Variants in FES observed in about 807,000 individuals in gnomAD.
The protein encoded by FES is tyrosine-protein kinase Fes/Fps.
A neutral mutation model predicts 109.6 loss-of-function variants in FES; 83 were observed. The observed-to-expected ratio is 0.76, with a 90% CI of 0.63 to 0.91. The LOEUF is 0.91. Among genes scored for constraint, FES ranks in the 40% least tolerant of loss-of-function variants. The pLI, the probability that FES is intolerant of heterozygous loss-of-function variation, is 0.00. For missense variants in FES, 943 were observed against 1,070.9 expected, an observed-to-expected ratio of 0.88 and a Z score of 1.67; for synonymous variants, 458 against 442.1, an observed-to-expected ratio of 1.04 and a Z score of -0.45.
chr15:90,887,936 G>T lies in FES; in HGVS notation c.668+566G>T, dbSNP rs923955003. Among the ~76,000 whole-genome samples, 7 of 152,274 alleles carry T rather than the reference G, an allele frequency of 4.6e-5. No homozygotes were observed. In the East Asian group the frequency reaches 1.2e-3, roughly 25 times the overall value. Reference sequence around the variant, plus strand: ...GGAGAGTACCAGGGACTAATAGCCAGGAACCAGTGGTGCCTCTGAGAGTGA... The same window carrying T: ...GGAGAGTACCAGGGACTAATAGCCATGAACCAGTGGTGCCTCTGAGAGTGA... On this transcript the variant is annotated intron_variant, in intron 5 of 18. Coordinates refer to ENST00000328850, the MANE Select transcript of FES (RefSeq NM_002005.4).
At chr15:90,892,546 C>T (rs1344654324) in intron 13 of FES, 161 bp from the exon 14 acceptor site, 6 of 628,514 alleles carry the variant, frequency 9.5e-6, no homozygotes, top group Non-Finnish European at 1.7e-5. Flanking sequence ...GCCCCATGTG[C>T]TCTCTAGGTT....
chr15:90,885,381 C>T (rs186613395), intron 2 of FES, 31 bp from the exon 3 acceptor site: 9 of 1,599,094 alleles, frequency 5.6e-6, no homozygotes, highest in South Asian at 2.2e-5. Flanking sequence ...ATTGTGCCCC[C>T]CTCCCTGCCT....
intron 10 of FES, 69 bp from the exon 11 acceptor site, chr15:90,890,913 C>T: frequency 1.4e-6 from 2 of 1,454,514 alleles, no homozygotes; most frequent in Non-Finnish European, 1.9e-6. Flanking sequence ...AGAGAGAGAC[C>T]CCCGGCTGCC....
rs149647375 is a variant in FES, at chr15:90,893,291, G to C, written c.1922G>C (p.Gly641Ala). 16 of 1,601,482 alleles carry C rather than the reference G, an allele frequency of 1.0e-5. No homozygotes were observed. Among genetic ancestry groups the C allele is most frequent in the Middle Eastern group, 1.7e-4 (1 of 5,960 alleles). ...PIYIVMELVQ[G>A]GDFLTFLRTE... ...CAGCAGGGGTCCTCCCCACCTGCAG[G>C]GGGCGACTTCCTGACCTTCCTCCGC... Residue 641 changes from glycine (G) to alanine (A), a missense_variant and splice_region_variant, in exon 16 of 19, where the codon GGG becomes GCG. Physicochemically the swap from Gly to Ala is moderately conservative, Grantham distance 60. Coordinates refer to ENST00000328850, the MANE Select transcript of FES (RefSeq NM_002005.4).
Position 90,889,660 on chromosome 15 carries a change from G to T in FES, c.926+24G>T, listed in dbSNP as rs1567096678. ...ACGTGGGTGGTGGCTTTGCACCTGG[G>T]CTGCGGCGGGGCTCCCAGCAGACCA... On this transcript the variant is annotated intron_variant, in intron 7 of 18. Coordinates refer to ENST00000328850, the MANE Select transcript of FES (RefSeq NM_002005.4). The surrounding 1 kb of genome is among the most constrained non-coding windows in gnomAD (Gnocchi z 6.1). The T allele has an allele frequency of 6.2e-7, 1 of 1,611,428 alleles. No homozygotes were observed. Among genetic ancestry groups the T allele is most frequent in the Non-Finnish European group, 8.5e-7 (1 of 1,179,916 alleles).
Position 90,890,505 on chromosome 15 carries a change from G to C in FES, c.1320+21G>C, listed in dbSNP as rs2033110269. 5.6e-6 allele frequency: 9 copies of C among 1,603,652 alleles called. No individual in the cohort carries two copies. In the East Asian group the frequency reaches 2.0e-4, roughly 36 times the overall value. On this transcript the variant is annotated intron_variant, in intron 10 of 18. Coordinates refer to ENST00000328850, the MANE Select transcript of FES (RefSeq NM_002005.4). ...TCTCGGTGAGTGGCGCCCAGCCTGGGCCCCCCTACTGTTGTGTTTCGAGTT... is the reference window on the plus strand; with the variant it reads ...TCTCGGTGAGTGGCGCCCAGCCTGGCCCCCCCTACTGTTGTGTTTCGAGTT...
chr15:90,885,106 G>A lies in FES; in HGVS notation c.61G>A (p.Glu21Lys), dbSNP rs770504875. The change falls in exon 2 of 19, where the codon GAG becomes AAG. Residue 21 changes from glutamate to lysine, a missense_variant. Physicochemically the swap from Glu to Lys is moderately conservative, Grantham distance 56. Coordinates refer to ENST00000328850, the MANE Select transcript of FES (RefSeq NM_002005.4). ...QGHGVLQQMQ[E>K]AELRLLEGMR... Reference sequence around the variant, plus strand: ...CCACGGGGTCCTGCAGCAAATGCAGGAGGCCGAGCTTCGTCTACTGGAGGG... The same window carrying A: ...CCACGGGGTCCTGCAGCAAATGCAGAAGGCCGAGCTTCGTCTACTGGAGGG... 1.2e-6 allele frequency: 2 copies of A among 1,613,878 alleles called. No individual in the cohort carries two copies. Among genetic ancestry groups the A allele is most frequent in the Non-Finnish European group, 1.7e-6 (2 of 1,180,026 alleles).
At chr15:90,887,984 A>G (rs946151118) in intron 5 of FES, among the ~76,000 whole-genome samples, 1 of 152,146 alleles carries the variant, frequency 6.6e-6, no homozygotes. Flanking sequence ...GTCATACACG[A>G]GGCTGGAGGA....
chr15:90,892,098 A>T lies in FES; in HGVS notation c.1694A>T (p.Glu565Val). The T allele has an allele frequency of 6.2e-7, 1 of 1,614,096 alleles. No homozygotes were observed. Among genetic ancestry groups the T allele is most frequent in the Non-Finnish European group, 8.5e-7 (1 of 1,179,982 alleles). The change falls in exon 13 of 19, where the codon GAG becomes GTG. Residue 565 changes from glutamate to valine, a missense_variant. Physicochemically the swap from Glu to Val is moderately radical, Grantham distance 121 (BLOSUM62 -2). Transcript: ENST00000328850. ...VLNHEDLVLG[E>V]QIGRGNFGEV... The stretch of plus-strand genomic sequence containing the variant: ...AACCATGAGGACCTGGTGTTGGGTG[A>T]GCAGATTGGACGGGTGAGTGCGCCT...
Position 90,889,441 on chromosome 15 carries a change from TG to T in FES, c.806+1del, listed in dbSNP as rs754872375. 1.9e-6 allele frequency: 3 copies of T among 1,613,888 alleles called. No homozygotes were observed. Among genetic ancestry groups the T allele is most frequent in the Non-Finnish European group, 2.5e-6 (3 of 1,179,984 alleles). On this transcript the variant is annotated frameshift_variant and splice_region_variant, in exon 6 of 19. Coordinates refer to ENST00000328850, the MANE Select transcript of FES (RefSeq NM_002005.4). LOFTEE classifies it high-confidence loss of function. This position sits in a 1 kb window ranked among gnomAD's most constrained non-coding sequence, Gnocchi z 6.1. ...AGTACCAAGGCTTCCTGCGACAGTA[TG>T]GGTAAGCCCCGTCCTTGCTCCTGCT... The part of the protein sequence containing the change: ...AEYQGFLRQY[G>X]SAPDVPPCVT...
In FES at chr15:90,890,085, C is replaced by A; in HGVS notation, c.1050-7C>A. 6.5e-7 allele frequency: 1 copy of A among 1,546,314 alleles called. No individual in the cohort carries two copies. The highest frequency in any genetic ancestry group is 8.7e-7 in the Non-Finnish European group (1 of 1,147,904). On this transcript the variant is annotated splice_region_variant and splice_polypyrimidine_tract_variant and intron_variant, in intron 8 of 18. Transcript: ENST00000328850. ...TCATCCACCCTCCCACCCGCCCCTGCCTGCAGGGTGCAGCTGCTGGGCAAG... is the reference window on the plus strand; with the variant it reads ...TCATCCACCCTCCCACCCGCCCCTGACTGCAGGGTGCAGCTGCTGGGCAAG...
rs1179291446 is a variant in FES at position 90,890,093 on chromosome 15, G to T, written c.1051G>T (p.Val351Leu). The T allele has an allele frequency of 6.4e-7, 1 of 1,554,964 alleles. No individual in the cohort carries two copies. The highest frequency in any genetic ancestry group is 1.3e-5 in the African/African-American group (1 of 74,180). The change falls in exon 9 of 19, where the codon GTG becomes TTG. Residue 351 changes from valine to leucine, a missense_variant and splice_region_variant. Physicochemically the swap from Val to Leu is conservative, Grantham distance 32 (BLOSUM62 1). Transcript: ENST00000328850. ...EEENTHPRER[V>L]QLLGKRQVLQ... Reference sequence around the variant, plus strand: ...CCTCCCACCCGCCCCTGCCTGCAGGGTGCAGCTGCTGGGCAAGAGGCAAGT... The same window carrying T: ...CCTCCCACCCGCCCCTGCCTGCAGGTTGCAGCTGCTGGGCAAGAGGCAAGT...
chr15:90,890,986 C>T lies in FES; in HGVS notation c.1325C>T (p.Pro442Leu), dbSNP rs748519202. The change falls in exon 11 of 19, where the codon CCT (proline) becomes CTT (leucine). Residue 442 changes from proline (P) to leucine (L), a missense_variant. Transcript: ENST00000328850. ...CCTCGATCCTCCCTTGCCCAGCTCC[C>T]TCCACCGCTGCAGCTCATTCCGGAG... ...SGIFRPKFSLPPPLQLIPEVQ... is the reference protein window; with the variant it reads ...SGIFRPKFSLLPPLQLIPEVQ... 1.9e-6 allele frequency: 3 copies of T among 1,583,088 alleles called. No homozygotes were observed. Among genetic ancestry groups the T allele is most frequent in the East Asian group, 2.3e-5 (1 of 43,694 alleles).
rs764998021 is a variant in FES, at chr15:90,889,957, G to C, written c.1044G>C (p.Arg348=). The C allele has an allele frequency of 5.0e-5, 80 of 1,612,940 alleles. No individual in the cohort carries two copies. Among genetic ancestry groups the C allele is most frequent in the Non-Finnish European group, 3.1e-5 (36 of 1,179,922 alleles). ...ATGAAGAGGAGAACACCCACCCCCG[G>C]GAGCGGTGAGTGGGCCCCTGCCTGC... The part of the protein sequence containing the change: ...LRNEEENTHP[R]ERVQLLGKRQ... Residue 348 remains arginine (R), a synonymous_variant, in exon 8 of 19, where the codon CGG becomes CGC. Transcript: ENST00000328850. The surrounding 1 kb of genome is among the most constrained non-coding windows in gnomAD (Gnocchi z 6.1).
At chr15:90,894,155 G>A in intron 18 of FES, 97 bp downstream of exon 18, 2 of 1,428,912 alleles carry the variant, frequency 1.4e-6, no homozygotes, top group Non-Finnish European at 1.9e-6. Context: ...CTTCCCACCA[G>A]GCAGAATAAG....
intron 5 of FES, among the ~76,000 whole-genome samples, chr15:90,887,690 C>G (rs904412981): frequency 1.3e-5 from 2 of 152,118 alleles, no homozygotes; most frequent in African/African-American, 4.8e-5. Context: ...GTGAGGAGCA[C>G]TAAGAGCCAT....
chr15:90,892,013 C>T (rs374030853), intron 12 of FES, 45 bp from the exon 13 acceptor site: 583 of 1,611,792 alleles, frequency 3.6e-4, no homozygotes, highest in Middle Eastern at 5.0e-4. Context: ...GGCCCAGCAC[C>T]CCTTTTCTTC....
chr15:90,895,714 C>A lies in FES; in HGVS notation c.*156C>A, dbSNP rs897345457. On this transcript the variant is annotated 3_prime_UTR_variant, in exon 19 of 19. Transcript: ENST00000328850. Reference sequence around the variant, plus strand: ...ATGCAGCGCCGTGTCCTCTCTGTGTCCCTGCTGCTGCCAGGGCTTCCTCTT... The same window carrying A: ...ATGCAGCGCCGTGTCCTCTCTGTGTACCTGCTGCTGCCAGGGCTTCCTCTT... 2 of 563,732 alleles carry A rather than the reference C, an allele frequency of 3.5e-6. No homozygotes were observed. The highest frequency in any genetic ancestry group is 2.8e-6 in the Non-Finnish European group (1 of 352,150). The allele number at this position is 563,732 out of a possible 1,614,324, so 34.9% of individuals were successfully genotyped here.
rs749673968 is a variant in FES, at chr15:90,895,542, G to A, written c.2453G>A (p.Arg818Gln). The A allele has an allele frequency of 1.1e-5, 18 of 1,586,116 alleles. No homozygotes were observed. Among genetic ancestry groups the A allele is most frequent in the African/African-American group, 4.1e-5 (3 of 73,928 alleles). The change falls in exon 19 of 19, where the codon CGA (arginine) becomes CAA (glutamine). Residue 818 changes from arginine (R) to glutamine (Q), a missense_variant. By Grantham distance (43) the Arg-to-Gln change is conservative (BLOSUM62 1). Transcript: ENST00000328850. ...ATCTACCAGGAGCTGCAGAGCATCC[G>A]AAAGCGGCATCGGTGAGGCTGGGAC... ...STIYQELQSI[R>Q]KRHR
Sources: allele counts gnomAD v4.1 joint callset (sites outside exome capture counted in the v4.1 genomes callset), GRCh38; gene constraint gnomAD v4.1.1; non-coding constraint Gnocchi (gnomAD v3.1); transcripts MANE v1.5; gene names NCBI Gene and HGNC (gene_info 2026-07-23, HGNC 2026-07-21).